The following CDH13 variants were observed in gnomAD, a reference collection of about 807,000 sequenced individuals.
CDH13 encodes the protein cadherin-13.
Under a neutral mutation model 63.8 loss-of-function variants are expected in CDH13, and 24 were observed. That is an observed-to-expected ratio of 0.38 (90% confidence interval 0.27 to 0.53). CDH13 has a LOEUF of 0.53. CDH13 is among the 20% of genes least tolerant of loss of function. The probability of loss-of-function intolerance (pLI) is 0.85; values close to 1 mark genes in which losing one functional copy is unlikely to be tolerated. For missense variants in CDH13, 1,049 were observed against 903.1 expected, an observed-to-expected ratio of 1.16 and a Z score of -2.07; for synonymous variants, 503 against 355.3, an observed-to-expected ratio of 1.42 and a Z score of -4.67.
intron 5 of CDH13, among the ~76,000 whole-genome samples, chr16:83,297,522 C>G (rs1307649145): frequency 6.6e-6 from 1 of 151,992 alleles, no homozygotes; most frequent in East Asian, 1.9e-4. Context: ...CTCTCATGCA[C>G]CAGAGCACTC....
chr16:83,406,020 C>A (rs2092038052), intron 6 of CDH13, among the ~76,000 whole-genome samples: 1 of 152,204 alleles, frequency 6.6e-6, no homozygotes, highest in Non-Finnish European at 1.5e-5. Context: ...CACCTTCTTC[C>A]AGCAGCTTCT....
chr16:83,238,020 G>C (rs577544092), intron 5 of CDH13, among the ~76,000 whole-genome samples: 2 of 152,308 alleles, frequency 1.3e-5, no homozygotes, highest in East Asian at 3.9e-4. Context: ...AAGCCCATTT[G>C]CTTGCTACTG....
rs539314185 is a variant in CDH13 at position 83,567,741 on chromosome 16, G to A, written c.961-34713G>A. Among the ~76,000 whole-genome samples, 144 of 152,134 alleles carry A rather than the reference G, an allele frequency of 9.5e-4. 1 individual carries two copies. Among genetic ancestry groups the A allele is most frequent in the African/African-American group, 2.8e-3 (116 of 41,510 alleles). On this transcript the variant is annotated intron_variant, in intron 7 of 13. Transcript: ENST00000567109. ...CTCCTGAATAGCTGGCACTACAGGC[G>A]CCCGCCACCACGCCCGGCTAATTTT... is the stretch of plus-strand genomic sequence containing the variant.
At chr16:82,971,099 G>A (rs1334828908) in intron 2 of CDH13, among the ~76,000 whole-genome samples, 6 of 152,160 alleles carry the variant, frequency 3.9e-5, no homozygotes, top group African/African-American at 1.4e-4. Flanking sequence ...TCTGAGAACA[G>A]CCAGGCCTCA....
chr16:83,102,470 T>A (rs2034528045), intron 3 of CDH13, among the ~76,000 whole-genome samples: 1 of 151,836 alleles, frequency 6.6e-6, no homozygotes, highest in South Asian at 2.1e-4. Flanking sequence ...CTGGAGTGAG[T>A]CAGGGGAGCT....
chr16:83,656,548 C>G (rs1912887566), intron 8 of CDH13, among the ~76,000 whole-genome samples: 1 of 152,228 alleles, frequency 6.6e-6, no homozygotes, highest in Non-Finnish European at 1.5e-5. Flanking sequence ...GAAGAGCTGC[C>G]ATTGCCCAAG....
intron 10 of CDH13, among the ~76,000 whole-genome samples, chr16:83,711,763 G>T (rs889806944): frequency 6.6e-6 from 1 of 152,118 alleles, no homozygotes; most frequent in Non-Finnish European, 1.5e-5. Flanking sequence ...ATGATCCACC[G>T]CCTTGGCCTC....
chr16:82,782,811 C>T (rs964649009), intron 1 of CDH13, among the ~76,000 whole-genome samples: 3 of 152,162 alleles, frequency 2.0e-5, no homozygotes, highest in Non-Finnish European at 2.9e-5. Flanking sequence ...CTGACAGGAG[C>T]AGGCTGCCTT....
intron 7 of CDH13, among the ~76,000 whole-genome samples, chr16:83,576,521 C>G (rs1220246855): frequency 6.6e-6 from 1 of 152,162 alleles, no homozygotes; most frequent in Non-Finnish European, 1.5e-5. Flanking sequence ...GGGTATATAT[C>G]TAGAAGTAGT....
intron 13 of CDH13, among the ~76,000 whole-genome samples, chr16:83,789,696 T>C (rs968624670): frequency 6.6e-6 from 1 of 152,178 alleles, no homozygotes; most frequent in African/African-American, 2.4e-5. Flanking sequence ...GCCATAGTCC[T>C]TACAAGAATT....
intron 4 of CDH13, among the ~76,000 whole-genome samples, chr16:83,128,918 A>G (rs1020987271): frequency 2.6e-5 from 4 of 152,226 alleles, no homozygotes; most frequent in Admixed American, 2.0e-4. Context: ...TAACTAGACA[A>G]TGCGCAAGAG....
chr16:82,835,942 C>T (rs1224891424), intron 1 of CDH13, among the ~76,000 whole-genome samples: 3 of 152,168 alleles, frequency 2.0e-5, no homozygotes, highest in African/African-American at 7.2e-5. Context: ...TCTTGAGGCT[C>T]CTCAAGTAGC....
chr16:83,339,151 A>G (rs535584422), intron 5 of CDH13, among the ~76,000 whole-genome samples: 5 of 152,110 alleles, frequency 3.3e-5, no homozygotes, highest in Non-Finnish European at 7.4e-5. Flanking sequence ...AAGTGAAACA[A>G]TGGATGTGGG....
At chr16:83,492,203 A>C (rs1030297873) in intron 7 of CDH13, among the ~76,000 whole-genome samples, 8 of 76,580 alleles carry the variant, frequency 1.0e-4, no homozygotes, top group African/African-American at 2.7e-4. Flanking sequence ...AGAAAAGAAC[A>C]ATGGTAAAAA....
At chr16:83,430,822 C>CTT (rs764532961) in intron 6 of CDH13, among the ~76,000 whole-genome samples, 12 of 149,178 alleles carry the variant, frequency 8.0e-5, no homozygotes, top group Admixed American at 6.7e-4. Flanking sequence ...CACACCAGTT[C>CTT]TTTTTTTTTT....
chr16:83,556,989 G>C (rs1025616461), intron 7 of CDH13, among the ~76,000 whole-genome samples: 1 of 152,192 alleles, frequency 6.6e-6, no homozygotes, highest in African/African-American at 2.4e-5. Flanking sequence ...AGGCCTGTAG[G>C]AACCAGGCCC....
intron 7 of CDH13, among the ~76,000 whole-genome samples, chr16:83,577,331 G>C (rs1258557407): frequency 6.6e-6 from 1 of 152,198 alleles, no homozygotes; most frequent in East Asian, 1.9e-4. Context: ...AGGTTTCCCA[G>C]CACGTCCTTT....
chr16:82,806,492 T>C (rs1443301908), intron 1 of CDH13, among the ~76,000 whole-genome samples: 2 of 151,292 alleles, frequency 1.3e-5, no homozygotes, highest in Non-Finnish European at 2.9e-5. Flanking sequence ...GCTCTCTGTT[T>C]TTTGTTTTGT....
chr16:83,616,205 C>G (rs1281629893), intron 8 of CDH13, among the ~76,000 whole-genome samples: 2 of 152,130 alleles, frequency 1.3e-5, no homozygotes, highest in African/African-American at 4.8e-5. Flanking sequence ...GAAATGCCCA[C>G]GCTGATTATA....
Sources: gnomAD v4.1 joint callset for allele counts (sites outside exome capture counted in the v4.1 genomes callset) on GRCh38, gnomAD v4.1.1 for gene constraint, MANE v1.5 for transcripts, NCBI Gene and HGNC (gene_info 2026-07-23, HGNC 2026-07-21) for gene names.